The following RAB31 variants were observed in gnomAD, a reference collection of about 807,000 sequenced individuals.
The protein encoded by RAB31 is ras-related protein Rab-31.
RAB31 carries 21 observed loss-of-function variants against 25.6 expected under a neutral mutation model. The observed-to-expected ratio is 0.82, with a 90% CI of 0.58 to 1.18. RAB31 has a LOEUF of 1.18. Ranked by LOEUF, RAB31 falls within the 50% of genes most tolerant of loss-of-function variation. RAB31 has a pLI of 0.00. For synonymous variants in RAB31, 87 were observed against 84.0 expected (o/e 1.04, Z -0.20); for missense variants, 196 against 250.1 (o/e 0.78, Z 1.46).
At chr18:9,747,438 A>G (rs958195404) in intron 1 of RAB31, among the ~76,000 whole-genome samples, 2 of 152,254 alleles carry the variant, frequency 1.3e-5, no homozygotes, top group Non-Finnish European at 2.9e-5. Flanking sequence ...TACATTCATA[A>G]TAGCCAAAAG....
chr18:9,727,457 C>G lies in RAB31; in HGVS notation c.39+19013C>G, dbSNP rs544157854. Among the ~76,000 whole-genome samples, 3 of 152,294 alleles carry G rather than the reference C, an allele frequency of 2.0e-5. No homozygotes were observed. The South Asian group carries it at 6.2e-4, about 32-fold the overall frequency. ...TCAGTGTCCTGAGTAGCTGGGACCA[C>G]AGGTCCTCCAGCACACTTGGCTAAT... On this transcript the variant is annotated intron_variant, in intron 1 of 6. Coordinates refer to ENST00000578921, the MANE Select transcript of RAB31 (RefSeq NM_006868.4).
At chr18:9,813,951 T>C in intron 3 of RAB31, 69 bp from the exon 4 acceptor site, 1 of 1,102,314 alleles carries the variant, frequency 9.1e-7, no homozygotes, top group Non-Finnish European at 1.4e-6. Context: ...GATAAAACGT[T>C]TATGTTTAAT....
Position 9,815,229 on chromosome 18 carries a change from T to A in RAB31, c.380+7T>A, listed in dbSNP as rs2068595232. Reference sequence around the variant, plus strand: ...GCGACCTCTCAGATATTAGGTAAGATGCATTGAAATCTCTTTTGTGTAGAT... The same window carrying A: ...GCGACCTCTCAGATATTAGGTAAGAAGCATTGAAATCTCTTTTGTGTAGAT... On this transcript the variant is annotated splice_region_variant and intron_variant, in intron 5 of 6. Transcript: ENST00000578921. The A allele has an allele frequency of 6.6e-7, 1 of 1,516,894 alleles. No individual in the cohort carries two copies. The highest frequency in any genetic ancestry group is 2.4e-5 in the East Asian group (1 of 40,860). The allele number at this position is 1,516,894 out of a possible 1,614,324, so 94.0% of individuals were successfully genotyped here.
intron 5 of RAB31, among the ~76,000 whole-genome samples, chr18:9,822,370 G>T (rs1391810440): frequency 6.6e-6 from 1 of 152,022 alleles, no homozygotes; most frequent in Non-Finnish European, 1.5e-5. Context: ...ACTTCTAAAA[G>T]AAAATAAATT....
intron 5 of RAB31, among the ~76,000 whole-genome samples, chr18:9,825,159 C>A (rs889947663): frequency 1.3e-5 from 2 of 152,208 alleles, no homozygotes; most frequent in African/African-American, 4.8e-5. Context: ...TGGATTGAAT[C>A]CACAGGATCT....
intron 1 of RAB31, among the ~76,000 whole-genome samples, chr18:9,713,225 G>T (rs1039237687): frequency 6.6e-6 from 1 of 152,172 alleles, no homozygotes; most frequent in Non-Finnish European, 1.5e-5. Flanking sequence ...GGTTGGGCTA[G>T]GTAATGATCA....
chr18:9,839,766 A>G (rs2068723240), intron 5 of RAB31, among the ~76,000 whole-genome samples: 1 of 152,152 alleles, frequency 6.6e-6, no homozygotes, highest in Non-Finnish European at 1.5e-5. Flanking sequence ...CTGTAACCAC[A>G]CAGCATGAAC....
chr18:9,714,964 C>T (rs942105098), intron 1 of RAB31, among the ~76,000 whole-genome samples: 10 of 152,342 alleles, frequency 6.6e-5, no homozygotes, highest in South Asian at 4.1e-4. Context: ...AAAGTTCTTG[C>T]TCCAGGTCTG....
chr18:9,798,860 C>T (rs151072673), intron 3 of RAB31, among the ~76,000 whole-genome samples: 3,011 of 151,962 alleles, frequency 0.02, 110 homozygotes, highest in African/African-American at 0.069. Flanking sequence ...GAGGCCGAGG[C>T]GGGCAGATCA....
intron 6 of RAB31, among the ~76,000 whole-genome samples, chr18:9,852,584 C>G (rs1163906895): frequency 6.7e-6 from 1 of 149,348 alleles, no homozygotes; most frequent in African/African-American, 2.4e-5. Flanking sequence ...ATGGATTTTG[C>G]TGAGTTCCTT....
chr18:9,833,552 G>A (rs1004752750), intron 5 of RAB31, among the ~76,000 whole-genome samples: 1 of 152,200 alleles, frequency 6.6e-6, no homozygotes, highest in African/African-American at 2.4e-5. Flanking sequence ...ATTGGTTGAT[G>A]CTGAAGTTGC....
intron 3 of RAB31, chr18:9,797,389 C>CT (rs1555688658): frequency 6.6e-6 from 1 of 152,180 alleles, no homozygotes; most frequent in Non-Finnish European, 1.5e-5. Context: ...TGCTGGCGGA[C>CT]GTTCCCTGAT....
chr18:9,734,252 C>T (rs531428217), intron 1 of RAB31, among the ~76,000 whole-genome samples: 30 of 152,284 alleles, frequency 2.0e-4, no homozygotes, highest in African/African-American at 6.5e-4. Context: ...AGGTGTTGCT[C>T]TTCCTGTCAC....
intron 1 of RAB31, among the ~76,000 whole-genome samples, chr18:9,727,785 T>C (rs1006178903): frequency 6.6e-6 from 1 of 152,234 alleles, no homozygotes; most frequent in Non-Finnish European, 1.5e-5. Flanking sequence ...CCAGCTTTAC[T>C]GAGGTATAGT....
intron 5 of RAB31, among the ~76,000 whole-genome samples, chr18:9,841,645 G>T (rs1462228705): frequency 2.0e-5 from 3 of 152,138 alleles, no homozygotes; most frequent in Non-Finnish European, 4.4e-5. Context: ...CTGAGCAGAG[G>T]GGATTGGCTT....
intron 6 of RAB31, among the ~76,000 whole-genome samples, chr18:9,857,180 A>G (rs1443337573): frequency 1.3e-5 from 2 of 152,170 alleles, no homozygotes; most frequent in Non-Finnish European, 2.9e-5. Context: ...TCATCAAATG[A>G]AGATCTCTAC....
At chr18:9,747,098 A>G (rs2068209661) in intron 1 of RAB31, among the ~76,000 whole-genome samples, 1 of 152,232 alleles carries the variant, frequency 6.6e-6, no homozygotes, top group Non-Finnish European at 1.5e-5. Flanking sequence ...GCAATGAGCA[A>G]AGGATTTGAA....
chr18:9,765,413 T>C (rs2068310788), intron 1 of RAB31, among the ~76,000 whole-genome samples: 1 of 152,346 alleles, frequency 6.6e-6, no homozygotes, highest in African/African-American at 2.4e-5. Flanking sequence ...TTGAGTGAGA[T>C]CTGCTCTCTC....
intron 6 of RAB31, among the ~76,000 whole-genome samples, chr18:9,846,851 G>T (rs1360640531): frequency 1.3e-5 from 2 of 152,234 alleles, no homozygotes; most frequent in African/African-American, 2.4e-5. Context: ...ACTATGCAGA[G>T]ATATGCAAAA....
Sources: gnomAD v4.1 joint callset for allele counts (sites outside exome capture counted in the v4.1 genomes callset) on GRCh38, gnomAD v4.1.1 for gene constraint, MANE v1.5 for transcripts, NCBI Gene and HGNC (gene_info 2026-07-23, HGNC 2026-07-21) for gene names.